The following MIPOL1 variants were observed in gnomAD, a reference collection of about 807,000 sequenced individuals.
MIPOL1 encodes the protein mirror-image polydactyly 1, also known as mirror-image polydactyly gene 1 protein.
MIPOL1 carries 57 observed loss-of-function variants against 60.9 expected under a neutral mutation model. The ratio of observed to expected loss-of-function variants is 0.94; its 90% confidence interval spans 0.76 to 1.17. The LOEUF is 1.17. Ranked by LOEUF, MIPOL1 falls within the 50% of genes most tolerant of loss-of-function variation. MIPOL1 has a pLI of 0.00. For missense variants in MIPOL1, 551 were observed against 511.6 expected, an observed-to-expected ratio of 1.08 and a Z score of -0.74; for synonymous variants, 179 against 168.8, an observed-to-expected ratio of 1.06 and a Z score of -0.47.
chr14:37,299,289 T>C (rs2086127017), intron 7 of MIPOL1, among the ~76,000 whole-genome samples: 1 of 138,790 alleles, frequency 7.2e-6, no homozygotes, highest in East Asian at 2.1e-4. Flanking sequence ...GGGACTGTTG[T>C]AGGGTAGGGA....
intron 9 of MIPOL1, among the ~76,000 whole-genome samples, chr14:37,340,855 G>A (rs2090519149): frequency 6.6e-6 from 1 of 152,076 alleles, no homozygotes. Context: ...CACTCACCCA[G>A]AGTAACTTCC....
Position 37,550,504 on chromosome 14 carries a change from A to G in MIPOL1, c.*3533A>G, listed in dbSNP as rs1201362669. On this transcript the variant is annotated 3_prime_UTR_variant, in exon 13 of 13. Transcript: ENST00000684589. ...ATCTATTCATATTTTACATATATAT[A>G]TATATATATACATGCACACACACCG... is the stretch of plus-strand genomic sequence containing the variant. The G allele has an allele frequency of 6.7e-6, 1 of 149,944 alleles. No individual in the cohort carries two copies. The highest frequency in any genetic ancestry group is 1.5e-5 in the Non-Finnish European group (1 of 67,494). 9.3% of individuals were successfully genotyped at this position (149,944 alleles called of 1,614,324 possible). A position where few individuals can be genotyped will look rare whatever the true frequency, so the allele number is the denominator to read the frequency against.
intron 9 of MIPOL1, among the ~76,000 whole-genome samples, 161 bp from the exon 10 acceptor site, chr14:37,369,356 T>C (rs1474504122): frequency 1.3e-5 from 2 of 151,516 alleles, no homozygotes; most frequent in African/African-American, 4.9e-5. Context: ...GCAATGTTTT[T>C]ATTTATTGTA....
At chr14:37,247,958 A>G in intron 3 of MIPOL1, 51 bp downstream of exon 3, 1 of 1,592,770 alleles carries the variant, frequency 6.3e-7, no homozygotes, top group Non-Finnish European at 8.6e-7. Flanking sequence ...GTTCTAGTTC[A>G]AGGCACTGAG....
chr14:37,455,691 C>T (rs922704246), intron 11 of MIPOL1, among the ~76,000 whole-genome samples: 4 of 152,032 alleles, frequency 2.6e-5, no homozygotes, highest in African/African-American at 9.7e-5. Flanking sequence ...CTCCCAAATT[C>T]GATTATTATC....
chr14:37,262,252 A>T (rs571514970), intron 3 of MIPOL1, among the ~76,000 whole-genome samples: 2 of 152,156 alleles, frequency 1.3e-5, no homozygotes, highest in East Asian at 3.9e-4. Context: ...AATTTGTAGA[A>T]GTCATTGGGA....
chr14:37,245,248 GA>G (rs1346374225), intron 1 of MIPOL1, among the ~76,000 whole-genome samples: 2 of 151,950 alleles, frequency 1.3e-5, no homozygotes, highest in African/African-American at 2.4e-5. Context: ...TGTGTTAGCA[GA>G]AAAAAAATTC....
At chr14:37,395,484 C>G (rs2093354201) in intron 10 of MIPOL1, among the ~76,000 whole-genome samples, 1 of 152,012 alleles carries the variant, frequency 6.6e-6, no homozygotes, top group Non-Finnish European at 1.5e-5. Flanking sequence ...TAGGTAGATT[C>G]CTAAATATTT....
chr14:37,428,316 G>T (rs1019652433), intron 11 of MIPOL1, among the ~76,000 whole-genome samples: 1 of 152,164 alleles, frequency 6.6e-6, no homozygotes, highest in Non-Finnish European at 1.5e-5. Context: ...CTAATTAGTG[G>T]CCGGGCATGG....
intron 10 of MIPOL1, among the ~76,000 whole-genome samples, chr14:37,397,990 G>C (rs552328677): frequency 9.9e-5 from 15 of 152,126 alleles, no homozygotes; most frequent in Non-Finnish European, 2.1e-4. Flanking sequence ...TGGCCAGGAG[G>C]CTTCTTGCCC....
intron 11 of MIPOL1, among the ~76,000 whole-genome samples, chr14:37,460,260 A>G (rs1391887548): frequency 6.6e-6 from 1 of 152,192 alleles, no homozygotes; most frequent in Admixed American, 6.5e-5. Flanking sequence ...TTAAAGACAA[A>G]AACCTTATGA....
At chr14:37,260,930 A>G (rs1594783172) in intron 3 of MIPOL1, among the ~76,000 whole-genome samples, 1 of 152,190 alleles carries the variant, frequency 6.6e-6, no homozygotes, top group East Asian at 1.9e-4. Flanking sequence ...TTAATAACAT[A>G]GAAGTATGTT....
chr14:37,347,292 A>T (rs2091010610), intron 9 of MIPOL1, among the ~76,000 whole-genome samples: 1 of 152,200 alleles, frequency 6.6e-6, no homozygotes, highest in Non-Finnish European at 1.5e-5. Flanking sequence ...TCACTGTGAA[A>T]AAAAGACGGA....
In MIPOL1 at chr14:37,367,858, C is replaced by T. The variant is rs760777954; in HGVS notation, c.829-1659C>T. Among the ~76,000 whole-genome samples, 89 of 151,906 alleles carry T rather than the reference C, an allele frequency of 5.9e-4. 2 individuals carry two copies. Among genetic ancestry groups the T allele is most frequent in the Non-Finnish European group, 2.1e-4 (14 of 67,926 alleles). ...GTTAGTGCTATGCCGTGTTCATTTT[C>T]TCGGGTCATAATTTGTGTCCTTAGT... is the stretch of plus-strand genomic sequence containing the variant. On this transcript the variant is annotated intron_variant, in intron 9 of 12. Coordinates refer to ENST00000684589, the MANE Select transcript of MIPOL1 (RefSeq NM_001388067.1).
At chr14:37,370,514 CA>C (rs2092610485) in intron 10 of MIPOL1, among the ~76,000 whole-genome samples, 1 of 152,074 alleles carries the variant, frequency 6.6e-6, no homozygotes, top group Non-Finnish European at 1.5e-5. Context: ...CTGCATATTA[CA>C]GAGCAATATC....
chr14:37,323,745 C>T (rs540887549), intron 9 of MIPOL1, among the ~76,000 whole-genome samples: 1 of 151,914 alleles, frequency 6.6e-6, no homozygotes, highest in African/African-American at 2.4e-5. Context: ...AGAAAGTTCC[C>T]TCATTTATAT....
At chr14:37,302,533 C>T (rs1327166590) in intron 7 of MIPOL1, among the ~76,000 whole-genome samples, 1 of 150,328 alleles carries the variant, frequency 6.7e-6, no homozygotes, top group Non-Finnish European at 1.5e-5. Context: ...CACATATTTT[C>T]TTCTAGTTGA....
At chr14:37,356,371 C>T (rs1183099264) in intron 9 of MIPOL1, among the ~76,000 whole-genome samples, 2 of 151,978 alleles carry the variant, frequency 1.3e-5, no homozygotes, top group East Asian at 3.9e-4. Flanking sequence ...TTTGTCTGTG[C>T]CCTGCCCCCA....
intron 9 of MIPOL1, among the ~76,000 whole-genome samples, chr14:37,318,404 G>A (rs1452328287): frequency 1.3e-5 from 2 of 152,084 alleles, no homozygotes; most frequent in African/African-American, 2.4e-5. Flanking sequence ...GAAAAGTAGG[G>A]AACATATTTG....
Sources: allele counts gnomAD v4.1 joint callset (sites outside exome capture counted in the v4.1 genomes callset), GRCh38; gene constraint gnomAD v4.1.1; transcripts MANE v1.5; gene names NCBI Gene and HGNC (gene_info 2026-07-23, HGNC 2026-07-21).